The following TMEM108 variants were observed in gnomAD, a reference collection of about 807,000 sequenced individuals.
The protein encoded by TMEM108 is transmembrane protein 108, also known as cancer/testis antigen 124.
A neutral mutation model predicts 35.1 loss-of-function variants in TMEM108; 12 were observed. The ratio of observed to expected loss-of-function variants is 0.34; its 90% CI spans 0.22 to 0.55. The LOEUF (loss-of-function observed/expected upper bound fraction) is 0.55. TMEM108 is among the 20% of genes least tolerant of loss of function. The pLI is 0.89. For synonymous variants in TMEM108, 287 were observed against 308.6 expected (o/e 0.93, Z 0.73); for missense variants, 680 against 753.3 (o/e 0.90, Z 1.14).
At chr3:133,314,194 C>T (rs1259526418) in intron 3 of TMEM108, among the ~76,000 whole-genome samples, 1 of 151,986 alleles carries the variant, frequency 6.6e-6, no homozygotes, top group Admixed American at 6.6e-5. Flanking sequence ...AGAAGTGGCT[C>T]GGACTTTACT....
Position 133,390,201 on chromosome 3 carries a change from G to C in TMEM108, c.1472G>C (p.Cys491Ser). 6.2e-7 allele frequency: 1 copy of C among 1,614,142 alleles called. No homozygotes were observed. The highest frequency in any genetic ancestry group is 1.1e-5 in the South Asian group (1 of 91,068). The change falls in exon 5 of 6, where the codon TGC (cysteine) becomes TCC (serine). Residue 491 changes from cysteine to serine, a missense_variant. Transcript: ENST00000321871. ...ATAGCTGTCCTGCTGACGGTGTGCT[G>C]CATGAAGAGGAAGAAGAAGACCGCC... ...SSCSVLLTVC[C>S]MKRKKKTANP...
chr3:133,044,961 C>CTTTTTT (rs11444221), intron 1 of TMEM108, among the ~76,000 whole-genome samples: 1 of 142,826 alleles, frequency 7.0e-6, no homozygotes, highest in African/African-American at 2.6e-5. Context: ...TGAAGTGCTG[C>CTTTTTT]TTTTTTTTTT....
chr3:133,293,010 G>A (rs1947094904), intron 3 of TMEM108, among the ~76,000 whole-genome samples: 1 of 152,120 alleles, frequency 6.6e-6, no homozygotes, highest in South Asian at 2.1e-4. Context: ...AGCTTTGAGA[G>A]AAAAGAGTAA....
Position 133,136,793 on chromosome 3 carries a change from T to C in TMEM108, c.-47+90773T>C, listed in dbSNP as rs1944570266. Among the ~76,000 whole-genome samples, 3 of 152,224 alleles carry C rather than the reference T, an allele frequency of 2.0e-5. No homozygotes were observed. The South Asian group carries it at 6.2e-4, about 32-fold the overall frequency. On this transcript the variant is annotated intron_variant, in intron 2 of 5. Transcript: ENST00000321871. ...ACAAAAATTGTACTATAAAATGTTT[T>C]ATTTGGGGAGCTGTGCTCTGGCAGC...
At chr3:133,220,776 A>C (rs1945978314) in intron 2 of TMEM108, among the ~76,000 whole-genome samples, 1 of 152,054 alleles carries the variant, frequency 6.6e-6, no homozygotes, top group South Asian at 2.1e-4. Flanking sequence ...GTCCCACAAG[A>C]CTGCTCCCTA....
chr3:133,088,167 G>A (rs1943905980), intron 2 of TMEM108, among the ~76,000 whole-genome samples: 1 of 152,096 alleles, frequency 6.6e-6, no homozygotes, highest in Non-Finnish European at 1.5e-5. Flanking sequence ...GTTGTTAAAG[G>A]GACAAGGCCT....
intron 3 of TMEM108, among the ~76,000 whole-genome samples, chr3:133,235,742 A>G (rs552070690): frequency 6.6e-6 from 1 of 152,314 alleles, no homozygotes; most frequent in East Asian, 1.9e-4. Context: ...CTTCTGGTTC[A>G]CAAAGCATTT....
At chr3:133,264,855 CAG>C (rs1946675002) in intron 3 of TMEM108, among the ~76,000 whole-genome samples, 1 of 152,104 alleles carries the variant, frequency 6.6e-6, no homozygotes, top group South Asian at 2.1e-4. Context: ...GTGCAGGAAA[CAG>C]AAATCACTCT....
chr3:133,057,437 A>G (rs398088965), intron 2 of TMEM108, among the ~76,000 whole-genome samples: 1,058 of 3,966 alleles, frequency 0.27, 20 homozygotes, highest in African/African-American at 0.31. Flanking sequence ...GTGTGTGTGT[A>G]TATATATATA....
At chr3:133,245,798 G>C (rs985461485) in intron 3 of TMEM108, among the ~76,000 whole-genome samples, 11 of 152,056 alleles carry the variant, frequency 7.2e-5, no homozygotes, top group African/African-American at 2.4e-4. Flanking sequence ...TAGAACACAA[G>C]GCACATATGT....
chr3:133,309,506 T>C (rs1003230480), intron 3 of TMEM108, among the ~76,000 whole-genome samples: 26 of 152,114 alleles, frequency 1.7e-4, no homozygotes, highest in Non-Finnish European at 3.1e-4. Flanking sequence ...TTTAGTGTTA[T>C]AAATTTCCCT....
At chr3:133,232,658 G>A (rs952475867) in intron 3 of TMEM108, among the ~76,000 whole-genome samples, 2 of 152,168 alleles carry the variant, frequency 1.3e-5, no homozygotes, top group East Asian at 3.8e-4. Flanking sequence ...GCCCAGCTGG[G>A]GCTAAGGGAT....
intron 3 of TMEM108, among the ~76,000 whole-genome samples, chr3:133,303,824 A>C (rs1198165901): frequency 2.0e-5 from 3 of 152,228 alleles, no homozygotes; most frequent in African/African-American, 4.8e-5. Flanking sequence ...AAATGATTCT[A>C]TAGTAATGTG....
intron 2 of TMEM108, among the ~76,000 whole-genome samples, chr3:133,174,795 C>T (rs1945186346): frequency 6.6e-6 from 1 of 152,174 alleles, no homozygotes; most frequent in African/African-American, 2.4e-5. Context: ...GAACGCAGCT[C>T]CTCACCAACA....
At chr3:133,368,261 C>T (rs927499645) in intron 3 of TMEM108, among the ~76,000 whole-genome samples, 2 of 152,162 alleles carry the variant, frequency 1.3e-5, no homozygotes, top group Non-Finnish European at 2.9e-5. Context: ...TATTAGCTGC[C>T]CCCCTAACAA....
chr3:133,059,407 A>G (rs1293890025), intron 2 of TMEM108, among the ~76,000 whole-genome samples: 2 of 152,124 alleles, frequency 1.3e-5, no homozygotes, highest in Non-Finnish European at 2.9e-5. Context: ...CATACCTCCA[A>G]AGCAGTCTGC....
chr3:133,092,528 A>G (rs187137281), intron 2 of TMEM108, among the ~76,000 whole-genome samples: 11 of 152,204 alleles, frequency 7.2e-5, no homozygotes, highest in Admixed American at 2.0e-4. Context: ...CACAATGGCC[A>G]TTATTATTAC....
At chr3:133,130,082 A>G (rs1944471312) in intron 2 of TMEM108, among the ~76,000 whole-genome samples, 1 of 139,046 alleles carries the variant, frequency 7.2e-6, no homozygotes, top group Non-Finnish European at 1.6e-5. Flanking sequence ...GTGAATCTTA[A>G]GTCAAATTTA....
intron 2 of TMEM108, among the ~76,000 whole-genome samples, chr3:133,174,174 G>T (rs1451389406): frequency 6.6e-6 from 1 of 152,256 alleles, no homozygotes; most frequent in East Asian, 1.9e-4. Context: ...AATCAAAGCA[G>T]CCGGGAAGCT....
Sources: allele counts gnomAD v4.1 joint callset (sites outside exome capture counted in the v4.1 genomes callset), GRCh38; gene constraint gnomAD v4.1.1; transcripts MANE v1.5; gene names NCBI Gene and HGNC (gene_info 2026-07-23, HGNC 2026-07-21).